PTCH1: variants seen among roughly 807,000 people sequenced by gnomAD.
PTCH1 encodes the protein patched 1.
PTCH1 carries 14 observed loss-of-function variants against 144.6 expected under a neutral mutation model. That is an observed-to-expected ratio of 0.10 (90% CI 0.06 to 0.15). The LOEUF (loss-of-function observed/expected upper bound fraction) is 0.15, where lower values mean the gene tolerates loss of function less well. Ranked by LOEUF, PTCH1 falls within the 10% of genes least tolerant of loss-of-function variation. PTCH1 has a pLI of 1.00. For synonymous variants in PTCH1, 833 were observed against 793.6 expected (o/e 1.05, Z -0.83); for missense variants, 1,623 against 1,948.3 (o/e 0.83, Z 3.14).
chr9:95,512,711 T>C (rs1240738243), upstream of PTCH1, among the ~76,000 whole-genome samples: 2 of 152,214 alleles, frequency 1.3e-5, no homozygotes, highest in African/African-American at 2.4e-5. Flanking sequence ...ACCACAAGGA[T>C]TCCACAGATC....
chr9:95,469,799 G>A lies in PTCH1; in HGVS notation c.1847+14C>T, dbSNP rs202007968. The A allele has an allele frequency of 4.5e-4, 725 of 1,597,662 alleles. 3 individuals are homozygous for A. In the Middle Eastern group the frequency reaches 4.8e-3, roughly 11 times the overall value. On this transcript the variant is annotated intron_variant, in intron 13 of 23. Coordinates refer to ENST00000331920, the MANE Select transcript of PTCH1 (RefSeq NM_000264.5). Reference sequence around the variant, plus strand: ...TGCACCCAATCAAAAGGCCACAGCAGTCTGAAAATGTACCTTGTAAAACAG... The same window carrying A: ...TGCACCCAATCAAAAGGCCACAGCAATCTGAAAATGTACCTTGTAAAACAG...
At position 95,447,017 on chromosome 9, in the gene PTCH1, G is replaced by A. The variant is rs375040845; in HGVS notation, c.4239C>T (p.His1413=). The A allele has an allele frequency of 1.9e-5, 30 of 1,614,078 alleles. No individual in the cohort carries two copies. The highest frequency in any genetic ancestry group is 2.7e-5 in the African/African-American group (2 of 74,942). ...ETDHGLFEDP[H]VPFHVRCERR... ...TCTCACACCGGACGTGGAAAGGCAC[G>A]TGGGGGTCCTCAAACAGGCCGTGGT... Residue 1413 remains histidine (H), a synonymous_variant, in exon 23 of 24, where the codon CAC becomes CAT. Coordinates refer to ENST00000331920, the MANE Select transcript of PTCH1 (RefSeq NM_000264.5).
chr9:95,469,308 G>T, intron 13 of PTCH1, 155 bp from the exon 14 acceptor site: 1 of 1,050,578 alleles, frequency 9.5e-7, no homozygotes, highest in Non-Finnish European at 1.4e-6. Flanking sequence ...AACATCGCCT[G>T]GTTGATAACA....
chr9:95,506,288 G>C (rs1386645135), intron 2 of PTCH1, 119 bp downstream of exon 2: 2 of 1,181,944 alleles, frequency 1.7e-6, no homozygotes, highest in Non-Finnish European at 2.4e-6. Context: ...AATCCCCCGG[G>C]TGCGGGCAGG....
chr9:95,466,722 T>C (rs949725976), intron 15 of PTCH1, among the ~76,000 whole-genome samples: 2 of 152,230 alleles, frequency 1.3e-5, no homozygotes, highest in African/African-American at 4.8e-5. Context: ...TAGCATCTCC[T>C]GGTGCAGTAA....
chr9:95,512,037 G>A (rs781774933), upstream of PTCH1, among the ~76,000 whole-genome samples: 11 of 152,194 alleles, frequency 7.2e-5, no homozygotes, highest in Admixed American at 1.3e-4. Context: ...TTGTTTGGAA[G>A]AAGGAATTCT....
At position 95,471,300 on chromosome 9, in the gene PTCH1, G is replaced by A. The variant is rs952551418; in HGVS notation, c.1729-1369C>T. ...AGGTGAACCAGCAAGCCTGAGTTCC[G>A]GAGAGATGTCTTCCAATAATTAATT... On this transcript the variant is annotated intron_variant, in intron 12 of 23. Coordinates refer to ENST00000331920, the MANE Select transcript of PTCH1 (RefSeq NM_000264.5). Among the ~76,000 whole-genome samples, 2 of 152,142 alleles carry A rather than the reference G, an allele frequency of 1.3e-5. 1 individual carries two copies. The highest frequency in any genetic ancestry group is 2.9e-5 in the Non-Finnish European group (2 of 68,022).
chr9:95,467,086 A>T lies in PTCH1; in HGVS notation c.2560+30T>A, dbSNP rs757178522. 7 of 1,610,462 alleles carry T rather than the reference A, an allele frequency of 4.3e-6. No homozygotes were observed. In the African/African-American group the frequency reaches 9.4e-5, roughly 22 times the overall value. On this transcript the variant is annotated intron_variant, in intron 15 of 23. Transcript: ENST00000331920. The stretch of plus-strand genomic sequence containing the variant: ...TTGAAGCTGAACACGCAAAAGACCG[A>T]AAGGACGAGAGCCTCCCACGCCGTC...
chr9:95,495,560 C>T (rs28504650), intron 2 of PTCH1, among the ~76,000 whole-genome samples: 66,253 of 151,718 alleles, frequency 0.44, 16,455 homozygotes, highest in African/African-American at 0.68. Context: ...TTTTTAGCCC[C>T]TTTCTAAAGC....
At chr9:95,500,122 A>C (rs1465175885) in intron 2 of PTCH1, among the ~76,000 whole-genome samples, 1 of 152,130 alleles carries the variant, frequency 6.6e-6, no homozygotes, top group East Asian at 1.9e-4. Context: ...TGTGGTGCAT[A>C]ATCTAAACAC....
At chr9:95,487,615 C>T (rs1172143011) in intron 2 of PTCH1, among the ~76,000 whole-genome samples, 1 of 152,200 alleles carries the variant, frequency 6.6e-6, no homozygotes, top group Non-Finnish European at 1.5e-5. Context: ...GGCTAAAAAG[C>T]CAGTTATGAG....
At chr9:95,510,061 C>T (rs950247940), upstream of PTCH1, among the ~76,000 whole-genome samples, 8 of 150,338 alleles carry the variant, frequency 5.3e-5, no homozygotes, top group Non-Finnish European at 1.0e-4. Flanking sequence ...AACGTGGAAT[C>T]CAGACACCGA....
At position 95,446,962 on chromosome 9, in the gene PTCH1, G is replaced by A. The variant is rs763583281; in HGVS notation, c.4294C>T (p.Leu1432=). The change falls in exon 23 of 24, where the codon CTG becomes TTG. Residue 1432 remains leucine, a synonymous_variant. Transcript: ENST00000331920. The stretch of plus-strand genomic sequence containing the variant: ...CTCTCCTCGCATTCCACGTCCTGCA[G>A]CTCAATGACTTCCACCTTCGAATCC... ...RRDSKVEVIE[L]QDVECEERPR... 2 of 1,614,228 alleles carry A rather than the reference G, an allele frequency of 1.2e-6. No individual in the cohort carries two copies. Among genetic ancestry groups the A allele is most frequent in the Admixed American group, 1.7e-5 (1 of 60,038 alleles).
In PTCH1 at chr9:95,458,309, C is replaced by A. The variant is rs776279907; in HGVS notation, c.2888-16G>T. The A allele has an allele frequency of 6.2e-7, 1 of 1,612,760 alleles. No individual in the cohort carries two copies. The highest frequency in any genetic ancestry group is 1.7e-5 in the Admixed American group (1 of 59,868). ...GCTGCCGGGACTGGACAGAGAAGGG[C>A]ACAGGTTAGGAGCAGCCCAGGGTAG... On this transcript the variant is annotated splice_polypyrimidine_tract_variant and intron_variant, in intron 17 of 23. Transcript: ENST00000331920. This position sits in a 1 kb window ranked among gnomAD's most constrained non-coding sequence, Gnocchi z 4.7.
At chr9:95,499,537 G>A (rs1319264219) in intron 2 of PTCH1, among the ~76,000 whole-genome samples, 1 of 151,686 alleles carries the variant, frequency 6.6e-6, no homozygotes, top group African/African-American at 2.4e-5. Flanking sequence ...AGGCAGCAGA[G>A]GTTCTGGGAG....
At chr9:95,485,510 C>T (rs1841890491) in intron 3 of PTCH1, among the ~76,000 whole-genome samples, 175 bp downstream of exon 3, 1 of 152,140 alleles carries the variant, frequency 6.6e-6, no homozygotes, top group South Asian at 2.1e-4. Flanking sequence ...TTACCAAACT[C>T]GAGAAACGAT....
At position 95,467,269 on chromosome 9, in the gene PTCH1, T is replaced by C. The variant is rs2117962731; in HGVS notation, c.2407A>G (p.Met803Val). ...AQFKYFSFYN[M>V]YIVTQKADYP... ...TCTGCTTTCTGGGTGACTATATACA[T>C]GTTGTAGAAAGAAAAGTATTTGAAT... The change falls in exon 15 of 24, where the codon ATG becomes GTG. Residue 803 changes from methionine to valine, a missense_variant. Coordinates refer to ENST00000331920, the MANE Select transcript of PTCH1 (RefSeq NM_000264.5). 2 of 1,614,218 alleles carry C rather than the reference T, an allele frequency of 1.2e-6. No homozygotes were observed. Among genetic ancestry groups the C allele is most frequent in the Non-Finnish European group, 1.7e-6 (2 of 1,180,030 alleles).
upstream of PTCH1, among the ~76,000 whole-genome samples, chr9:95,509,648 C>A (rs1844041239): frequency 6.6e-6 from 1 of 152,156 alleles, no homozygotes; most frequent in African/African-American, 2.4e-5. Context: ...GCGGTAGACA[C>A]GGGGGGAAAT....
At chr9:95,481,692 G>A (rs1342935926) in intron 5 of PTCH1, 2 of 534,268 alleles carry the variant, frequency 3.7e-6, no homozygotes, top group African/African-American at 1.9e-5. Context: ...GCAATAATTT[G>A]CATTTTATTT....
Sources: gnomAD v4.1 joint callset for allele counts (sites outside exome capture counted in the v4.1 genomes callset) on GRCh38, gnomAD v4.1.1 for gene constraint, Gnocchi (gnomAD v3.1) non-coding constraint, MANE v1.5 for transcripts, NCBI Gene and HGNC (gene_info 2026-07-23, HGNC 2026-07-21) for gene names.